The following PBX3 variants were observed in gnomAD, a reference collection of about 807,000 sequenced individuals.
PBX3 encodes the protein PBX homeobox 3, also known as pre-B-cell leukemia transcription factor 3.
Under a neutral mutation model 48.5 loss-of-function variants are expected in PBX3, and 14 were observed. The observed-to-expected ratio is 0.29, with a 90% confidence interval of 0.19 to 0.45. The LOEUF (loss-of-function observed/expected upper bound fraction) is 0.45, where lower values mean the gene tolerates loss of function less well. Ranked by LOEUF, PBX3 falls within the 20% of genes least tolerant of loss-of-function variation. The pLI, the probability that PBX3 is intolerant of heterozygous loss-of-function variation, is 1.00. For synonymous variants in PBX3, 210 were observed against 200.3 expected (o/e 1.05, Z -0.41); for missense variants, 386 against 546.7 (o/e 0.71, Z 2.93).
chr9:125,890,967 C>T (rs1840628156), intron 2 of PBX3, among the ~76,000 whole-genome samples: 1 of 152,136 alleles, frequency 6.6e-6, no homozygotes, highest in Admixed American at 6.5e-5. Flanking sequence ...AAAATTTTTC[C>T]AAAAGGAACT....
At chr9:125,823,714 GGTT>G (rs1838724232) in intron 2 of PBX3, among the ~76,000 whole-genome samples, 1 of 152,116 alleles carries the variant, frequency 6.6e-6, no homozygotes, top group Non-Finnish European at 1.5e-5. Context: ...AGAAAAGAAT[GGTT>G]AAGAGAAGGA....
intron 2 of PBX3, among the ~76,000 whole-genome samples, chr9:125,904,392 A>T (rs1368649292): frequency 6.6e-6 from 1 of 151,854 alleles, no homozygotes; most frequent in East Asian, 1.9e-4. Context: ...ATATTTGTGT[A>T]TCTCTTGTTT....
At chr9:125,831,780 C>T (rs1838968890) in intron 2 of PBX3, among the ~76,000 whole-genome samples, 1 of 152,134 alleles carries the variant, frequency 6.6e-6, no homozygotes, top group Non-Finnish European at 1.5e-5. Flanking sequence ...GTGGGAACCC[C>T]TTCAAGTTGG....
chr9:125,751,690 T>G (rs1406787286), intron 2 of PBX3, among the ~76,000 whole-genome samples: 1 of 152,246 alleles, frequency 6.6e-6, no homozygotes, highest in Non-Finnish European at 1.5e-5. Context: ...TAAAAATAGT[T>G]GTTTATTTTA....
intron 2 of PBX3, among the ~76,000 whole-genome samples, chr9:125,779,684 CCGATTTCT>C (rs1206965447): frequency 7.1e-6 from 1 of 140,878 alleles, no homozygotes; most frequent in African/African-American, 2.8e-5. Context: ...CAGCAACCAT[CCGATTTCT>C]CAATCTTTTC....
At chr9:125,846,086 A>C (rs1364564039) in intron 2 of PBX3, among the ~76,000 whole-genome samples, 1 of 152,096 alleles carries the variant, frequency 6.6e-6, no homozygotes, top group African/African-American at 2.4e-5. Context: ...TGTGGGTTGA[A>C]GATGTCATTT....
At chr9:125,888,222 C>CG (rs1262531413) in intron 2 of PBX3, among the ~76,000 whole-genome samples, 2 of 152,080 alleles carry the variant, frequency 1.3e-5, no homozygotes, top group African/African-American at 4.8e-5. Flanking sequence ...AATGGTCTGA[C>CG]GGGCTGCTTC....
intron 5 of PBX3, chr9:125,949,589 T>G: frequency 8.0e-6 from 10 of 1,247,848 alleles, no homozygotes; most frequent in Non-Finnish European, 1.0e-5. Context: ...TGATGAGAAT[T>G]AATTATATAT....
intron 2 of PBX3, among the ~76,000 whole-genome samples, chr9:125,802,296 T>A (rs2132098189): frequency 6.6e-6 from 1 of 151,342 alleles, no homozygotes; most frequent in East Asian, 1.9e-4. Flanking sequence ...TAGTGTCTGT[T>A]GTTCCCATCT....
chr9:125,852,025 A>G (rs1564139143), intron 2 of PBX3, among the ~76,000 whole-genome samples: 1 of 152,152 alleles, frequency 6.6e-6, no homozygotes, highest in Non-Finnish European at 1.5e-5. Flanking sequence ...TTTGGAGAAG[A>G]TGATAACCTG....
intron 5 of PBX3, among the ~76,000 whole-genome samples, chr9:125,939,099 A>G (rs79717124): frequency 0.038 from 5,747 of 152,250 alleles, 380 homozygotes; most frequent in African/African-American, 0.13. Context: ...AATATTCTTT[A>G]TGCTATTTTT....
chr9:125,962,656 C>T (rs61376395), intron 7 of PBX3, among the ~76,000 whole-genome samples: 6,054 of 152,192 alleles, frequency 0.04, 423 homozygotes, highest in African/African-American at 0.14. Flanking sequence ...AGTTTTTATA[C>T]ATCTAGATGT....
chr9:125,904,209 C>A (rs1364395572), intron 2 of PBX3, among the ~76,000 whole-genome samples: 1 of 151,758 alleles, frequency 6.6e-6, no homozygotes, highest in Non-Finnish European at 1.5e-5. Context: ...CATAGAAAAA[C>A]ACCTTATTTT....
rs1442473009 is a variant in PBX3, at chr9:125,929,810, A to G, written c.672A>G (p.Ala224=). The change falls in exon 4 of 9, where the codon GCA becomes GCG. Residue 224 remains alanine (A), a synonymous_variant. Transcript: ENST00000373489. ...AGCTCAAACAAAGCACTTGTGAAGCAGTTATGATTTTAAGATCAAGGTTCC... is the reference window on the plus strand; with the variant it reads ...AGCTCAAACAAAGCACTTGTGAAGCGGTTATGATTTTAAGATCAAGGTTCC... ...QMQLKQSTCE[A]VMILRSRFLD... 1.2e-6 allele frequency: 2 copies of G among 1,614,054 alleles called. No individual in the cohort carries two copies. Among genetic ancestry groups the G allele is most frequent in the African/African-American group, 1.3e-5 (1 of 75,040 alleles).
intron 3 of PBX3, among the ~76,000 whole-genome samples, chr9:125,923,929 A>G (rs192045937): frequency 6.1e-4 from 93 of 152,000 alleles, no homozygotes; most frequent in Non-Finnish European, 1.6e-4. Context: ...TAGTGATATG[A>G]TCATAGCTGA....
chr9:125,839,217 T>G (rs1839220005), intron 2 of PBX3, among the ~76,000 whole-genome samples: 1 of 152,208 alleles, frequency 6.6e-6, no homozygotes, highest in Non-Finnish European at 1.5e-5. Context: ...AAACATATAG[T>G]CAAGCGCTTT....
At chr9:125,934,125 T>G (rs7848870) in intron 4 of PBX3, among the ~76,000 whole-genome samples, 1 of 152,162 alleles carries the variant, frequency 6.6e-6, no homozygotes, top group African/African-American at 2.4e-5. Flanking sequence ...TAGAAAACAA[T>G]AGTTTAACCC....
intron 2 of PBX3, among the ~76,000 whole-genome samples, chr9:125,796,811 G>T (rs577046821): frequency 6.6e-6 from 1 of 151,954 alleles, no homozygotes; most frequent in Admixed American, 6.6e-5. Context: ...ATAATACACC[G>T]TAAGGACTAT....
chr9:125,803,457 A>G (rs1225123788), intron 2 of PBX3, among the ~76,000 whole-genome samples: 2 of 152,218 alleles, frequency 1.3e-5, no homozygotes, highest in African/African-American at 4.8e-5. Flanking sequence ...CAAAGTATGA[A>G]CATGAACTAC....
Sources: allele counts gnomAD v4.1 joint callset (sites outside exome capture counted in the v4.1 genomes callset), GRCh38; gene constraint gnomAD v4.1.1; transcripts MANE v1.5; gene names NCBI Gene and HGNC (gene_info 2026-07-23, HGNC 2026-07-21).